Variants in CDH13 observed in about 807,000 individuals in gnomAD.
CDH13 encodes cadherin 13.
Under a neutral mutation model 63.8 loss-of-function variants are expected in CDH13, and 24 were observed. The ratio of observed to expected loss-of-function variants is 0.38; its 90% CI spans 0.27 to 0.53. The LOEUF is 0.53. Among genes scored for constraint, CDH13 ranks in the 20% least tolerant of loss-of-function variants. The probability of loss-of-function intolerance (pLI) is 0.85; values close to 1 mark genes in which losing one functional copy is unlikely to be tolerated. For synonymous variants in CDH13, 503 were observed against 355.3 expected, an observed-to-expected ratio of 1.42 and a Z score of -4.67; for missense variants, 1,049 against 903.1, an observed-to-expected ratio of 1.16 and a Z score of -2.07.
In CDH13 at chr16:82,635,757, C is replaced by T. The variant is rs566024684; in HGVS notation, c.45+8620C>T. Among the ~76,000 whole-genome samples, 12 of 152,242 alleles carry T rather than the reference C, an allele frequency of 7.9e-5. No individual in the cohort carries two copies. The South Asian group carries it at 2.5e-3, about 32-fold the overall frequency. On this transcript the variant is annotated intron_variant, in intron 1 of 13. Transcript: ENST00000567109. Reference sequence around the variant, plus strand: ...CTCTGTCCCCACCCAAATCTCATGTCATATTGTAATCCCTAATGTTGGAGG... The same window carrying T: ...CTCTGTCCCCACCCAAATCTCATGTTATATTGTAATCCCTAATGTTGGAGG...
At chr16:83,550,522 G>A (rs1247102774) in intron 7 of CDH13, among the ~76,000 whole-genome samples, 1 of 152,214 alleles carries the variant, frequency 6.6e-6, no homozygotes, top group Non-Finnish European at 1.5e-5. Flanking sequence ...TAATCCGATG[G>A]CAAATTCCGC....
intron 1 of CDH13, among the ~76,000 whole-genome samples, chr16:82,683,471 G>T (rs1194929818): frequency 6.6e-6 from 1 of 152,158 alleles, no homozygotes; most frequent in Non-Finnish European, 1.5e-5. Context: ...ATGGCCGTAT[G>T]GTGAGAGACT....
At chr16:83,425,582 C>T (rs1392171908) in intron 6 of CDH13, among the ~76,000 whole-genome samples, 1 of 152,182 alleles carries the variant, frequency 6.6e-6, no homozygotes, top group Non-Finnish European at 1.5e-5. Flanking sequence ...AATTCCTCTC[C>T]CTTCCCCTCT....
At chr16:83,541,545 A>G (rs2075295965) in intron 7 of CDH13, among the ~76,000 whole-genome samples, 1 of 152,214 alleles carries the variant, frequency 6.6e-6, no homozygotes, top group Non-Finnish European at 1.5e-5. Flanking sequence ...GAAACAGACA[A>G]TGGAATTTGG....
At chr16:83,719,438 G>A (rs1487615638) in intron 10 of CDH13, among the ~76,000 whole-genome samples, 3 of 149,096 alleles carry the variant, frequency 2.0e-5, no homozygotes, top group African/African-American at 4.9e-5. Flanking sequence ...ACTCACCCAC[G>A]GCCCTCTCAG....
At chr16:82,672,485 T>C (rs1319428808) in intron 1 of CDH13, among the ~76,000 whole-genome samples, 1 of 152,146 alleles carries the variant, frequency 6.6e-6, no homozygotes, top group South Asian at 2.1e-4. Context: ...TTTCTATCAT[T>C]GATATTAATA....
rs867981014 is a variant in CDH13, at chr16:83,647,373, C to G, written c.1102-23417C>G. On this transcript the variant is annotated intron_variant, in intron 8 of 13. Transcript: ENST00000567109. The stretch of plus-strand genomic sequence containing the variant: ...CTCTTACCCTACCTGTAGGAAGTAC[C>G]GTGTTGCTCACGGGTGACCCCAGGA... 8.1e-4 allele frequency among the ~76,000 whole-genome samples: 123 copies of G among 151,916 alleles called. 1 individual carries two copies. Among genetic ancestry groups the G allele is most frequent in the African/African-American group, 2.8e-3 (116 of 41,438 alleles).
chr16:82,654,863 C>T (rs773037561), intron 1 of CDH13, among the ~76,000 whole-genome samples: 2 of 152,076 alleles, frequency 1.3e-5, no homozygotes, highest in Non-Finnish European at 2.9e-5. Flanking sequence ...AGGCTTTCCT[C>T]GTATCAGTTC....
intron 5 of CDH13, among the ~76,000 whole-genome samples, chr16:83,310,032 G>T (rs1371470635): frequency 6.6e-6 from 1 of 152,128 alleles, no homozygotes; most frequent in African/African-American, 2.4e-5. Flanking sequence ...GAAAGAATAT[G>T]CATATATTAA....
intron 7 of CDH13, among the ~76,000 whole-genome samples, chr16:83,536,654 C>T (rs931941155): frequency 4.6e-5 from 7 of 152,102 alleles, no homozygotes; most frequent in Non-Finnish European, 8.8e-5. Context: ...TACAGAGATG[C>T]ATCTTTGGAA....
intron 6 of CDH13, among the ~76,000 whole-genome samples, chr16:83,468,875 A>G (rs368863515): frequency 1.3e-5 from 2 of 152,188 alleles, no homozygotes; most frequent in Admixed American, 6.5e-5. Flanking sequence ...CCTAGGCATT[A>G]AGCCCTGCAC....
chr16:83,085,193 CTT>C (rs2033508324), intron 3 of CDH13, among the ~76,000 whole-genome samples: 1 of 152,012 alleles, frequency 6.6e-6, no homozygotes, highest in Non-Finnish European at 1.5e-5. Flanking sequence ...GCAAAAGGCA[CTT>C]CTTTCTTGGT....
At chr16:82,978,267 G>A (rs2151381271) in intron 2 of CDH13, among the ~76,000 whole-genome samples, 1 of 152,320 alleles carries the variant, frequency 6.6e-6, no homozygotes, top group Non-Finnish European at 1.5e-5. Context: ...AAAATTTGTA[G>A]CCTGACAATG....
intron 7 of CDH13, among the ~76,000 whole-genome samples, chr16:83,529,503 G>A (rs1050676115): frequency 3.3e-5 from 5 of 152,052 alleles, no homozygotes; most frequent in African/African-American, 1.2e-4. Context: ...AAAAATAACT[G>A]ATAATATCTA....
chr16:83,496,355 G>A (rs1192667002), intron 7 of CDH13, among the ~76,000 whole-genome samples: 19 of 149,134 alleles, frequency 1.3e-4, no homozygotes, highest in South Asian at 2.2e-4. Context: ...AAATAACGCC[G>A]CATATCTACA....
chr16:83,037,681 T>C (rs1916985800), intron 3 of CDH13, among the ~76,000 whole-genome samples: 1 of 152,124 alleles, frequency 6.6e-6, no homozygotes, highest in Non-Finnish European at 1.5e-5. Flanking sequence ...CAATGGACAA[T>C]GTGGGACTGG....
At chr16:83,504,061 T>A (rs1469396144) in intron 7 of CDH13, among the ~76,000 whole-genome samples, 1 of 152,166 alleles carries the variant, frequency 6.6e-6, no homozygotes, top group East Asian at 1.9e-4. Context: ...CCATGGCACA[T>A]GTATACCTAT....
chr16:83,272,628 C>T (rs900705845), intron 5 of CDH13, among the ~76,000 whole-genome samples: 40 of 152,288 alleles, frequency 2.6e-4, no homozygotes, highest in African/African-American at 8.9e-4. Flanking sequence ...TGCAGAGAGA[C>T]ATCTCTAGCA....
chr16:83,344,837 TC>T, intron 5 of CDH13, 24 bp from the exon 6 acceptor site: 3 of 1,611,180 alleles, frequency 1.9e-6, no homozygotes, highest in South Asian at 2.2e-5. Flanking sequence ...ATCTTCTTTC[TC>T]CCCCAATCTC....
Sources: allele counts gnomAD v4.1 joint callset (sites outside exome capture counted in the v4.1 genomes callset), GRCh38; gene constraint gnomAD v4.1.1; transcripts MANE v1.5; gene names NCBI Gene and HGNC (gene_info 2026-07-23, HGNC 2026-07-21).